The following GALNT18 variants were observed in gnomAD, a reference collection of about 807,000 sequenced individuals.
GALNT18 encodes the protein polypeptide N-acetylgalactosaminyltransferase 18, also known as GalNAc-transferase 18.
A neutral mutation model predicts 69.5 loss-of-function variants in GALNT18; 44 were observed. The ratio of observed to expected loss-of-function variants is 0.63; its 90% CI spans 0.50 to 0.81. GALNT18 has a LOEUF of 0.81. Ranked by LOEUF, GALNT18 falls within the 40% of genes least tolerant of loss-of-function variation. GALNT18 has a pLI of 0.00. For synonymous variants in GALNT18, 364 were observed against 318.2 expected, an observed-to-expected ratio of 1.14 and a Z score of -1.53; for missense variants, 715 against 810.0, an observed-to-expected ratio of 0.88 and a Z score of 1.42.
At position 11,338,550 on chromosome 11, in the gene GALNT18, G is replaced by A. The variant is rs1365089518; in HGVS notation, c.1278+2269C>T. 6.6e-6 allele frequency among the ~76,000 whole-genome samples: 1 copy of A among 152,184 alleles called. No homozygotes were observed. Among genetic ancestry groups the A allele is most frequent in the Non-Finnish European group, 1.5e-5 (1 of 68,046 alleles). On this transcript the variant is annotated intron_variant, in intron 7 of 10. Coordinates refer to ENST00000227756, the MANE Select transcript of GALNT18 (RefSeq NM_198516.3). This position sits in a 1 kb window ranked among gnomAD's most constrained non-coding sequence, Gnocchi z 5.3. Reference sequence around the variant, plus strand: ...TATGTCTGGAAGATGGTGGCACCATGAACTGAGACAGGATGAGAACAGGAG... The same window carrying A: ...TATGTCTGGAAGATGGTGGCACCATAAACTGAGACAGGATGAGAACAGGAG...
rs140303644 is a variant in GALNT18 at position 11,509,341 on chromosome 11, G to A, written c.236-60405C>T. Among the ~76,000 whole-genome samples the A allele has an allele frequency of 1.1e-4, 16 of 152,150 alleles. No homozygotes were observed. In the East Asian group the frequency reaches 1.9e-3, roughly 18 times the overall value. On this transcript the variant is annotated intron_variant, in intron 1 of 10. Transcript: ENST00000227756. ...TTTAAACATTTAAGTAGTTATCATG[G>A]GAACAATTAGAACTGCTGGAATTGT... is the stretch of plus-strand genomic sequence containing the variant.
intron 1 of GALNT18, among the ~76,000 whole-genome samples, chr11:11,513,655 T>C (rs1027350907): frequency 6.6e-6 from 1 of 152,236 alleles, no homozygotes; most frequent in Non-Finnish European, 1.5e-5. Flanking sequence ...ATCTGTTTTG[T>C]TCAAGACAAA....
rs562659680 is a variant in GALNT18 at position 11,591,537 on chromosome 11, C to T, written c.235+29822G>A. ...CAAGTGGGGAGGGAGACCATAACAG[C>T]CTCCATTTCTCTTCCTACTTTACAT... is the stretch of plus-strand genomic sequence containing the variant. On this transcript the variant is annotated intron_variant, in intron 1 of 10. Transcript: ENST00000227756. The surrounding 1 kb of genome is among the most constrained non-coding windows in gnomAD (Gnocchi z 4.8). Among the ~76,000 whole-genome samples, 1 of 152,288 alleles carries T rather than the reference C, an allele frequency of 6.6e-6. No individual in the cohort carries two copies. The highest frequency in any genetic ancestry group is 1.9e-4 in the East Asian group (1 of 5,178).
chr11:11,525,196 G>A (rs958881089), intron 1 of GALNT18, among the ~76,000 whole-genome samples: 1 of 152,072 alleles, frequency 6.6e-6, no homozygotes, highest in Non-Finnish European at 1.5e-5. Flanking sequence ...CGAAATGGAG[G>A]AGATTTCGAA....
rs11826663 is a variant in GALNT18, at chr11:11,279,985, G to A, written c.1678-8695C>T. 2.5e-3 allele frequency among the ~76,000 whole-genome samples: 377 copies of A among 152,314 alleles called. 3 individuals carry two copies. Among genetic ancestry groups the A allele is most frequent in the African/African-American group, 8.7e-3 (362 of 41,550 alleles). On this transcript the variant is annotated intron_variant, in intron 10 of 10. Coordinates refer to ENST00000227756, the MANE Select transcript of GALNT18 (RefSeq NM_198516.3). ...AGGCAGGGACTGAGAAGCAGGGGGT[G>A]CGGGTGGAGGGGACTGTGTATGTGT... is the stretch of plus-strand genomic sequence containing the variant.
intron 1 of GALNT18, among the ~76,000 whole-genome samples, chr11:11,612,176 G>C (rs1296434773): frequency 2.6e-5 from 4 of 151,850 alleles, no homozygotes; most frequent in African/African-American, 9.7e-5. Flanking sequence ...CCTCTAAAAA[G>C]GTAAGAAAAA....
At position 11,538,919 on chromosome 11, in the gene GALNT18, G is replaced by A. The variant is rs1857845105; in HGVS notation, c.235+82440C>T. ...AGTAAAAGATGCTTTGTCAACAGAGGTGCCCCCCAGATCCCTGGGTGCCGT... is the reference window on the plus strand; with the variant it reads ...AGTAAAAGATGCTTTGTCAACAGAGATGCCCCCCAGATCCCTGGGTGCCGT... On this transcript the variant is annotated intron_variant, in intron 1 of 10. Transcript: ENST00000227756. The surrounding 1 kb of genome is among the most constrained non-coding windows in gnomAD (Gnocchi z 5.2). Among the ~76,000 whole-genome samples the A allele has an allele frequency of 1.3e-5, 2 of 152,252 alleles. No individual in the cohort carries two copies. Among genetic ancestry groups the A allele is most frequent in the African/African-American group, 2.4e-5 (1 of 41,556 alleles).
chr11:11,373,021 A>T (rs957696065), intron 5 of GALNT18, among the ~76,000 whole-genome samples: 1 of 152,116 alleles, frequency 6.6e-6, no homozygotes, highest in Admixed American at 6.5e-5. Flanking sequence ...CCCAACTTGG[A>T]ATCTGTATGT....
At position 11,377,736 on chromosome 11, in the gene GALNT18, A is replaced by G. The variant is rs2403511; in HGVS notation, c.780-357T>C. On this transcript the variant is annotated intron_variant, in intron 4 of 10. Coordinates refer to ENST00000227756, the MANE Select transcript of GALNT18 (RefSeq NM_198516.3). This position sits in a 1 kb window ranked among gnomAD's most constrained non-coding sequence, Gnocchi z 4.6. ...AAAGAAACAGATCTGAGGCTCCAGA[A>G]AAAGCTTTCACCTTGGGCTTTGATT... is the stretch of plus-strand genomic sequence containing the variant. Among the ~76,000 whole-genome samples, 116,130 of 151,954 alleles carry G rather than the reference A, an allele frequency of 0.76. 45,267 individuals are homozygous for G. Among genetic ancestry groups the G allele is most frequent in the Middle Eastern group, 0.93 (273 of 294 alleles).
At chr11:11,370,981 A>G (rs1266536294) in intron 6 of GALNT18, among the ~76,000 whole-genome samples, 3 of 152,226 alleles carry the variant, frequency 2.0e-5, no homozygotes, top group East Asian at 1.9e-4. Context: ...TAAATGGCCA[A>G]TGTAGAGAGA....
At position 11,450,113 on chromosome 11, in the gene GALNT18, A is replaced by C. The variant is rs1226829869; in HGVS notation, c.236-1177T>G. 2.6e-5 allele frequency among the ~76,000 whole-genome samples: 4 copies of C among 152,356 alleles called. No individual in the cohort carries two copies. In the East Asian group the frequency reaches 7.7e-4, roughly 29 times the overall value. On this transcript the variant is annotated intron_variant, in intron 1 of 10. Transcript: ENST00000227756. ...CCACTGGACAGGGTCGTCTATGCTC[A>C]CAAATTCATGAGGGAAGTAAGAGAT...
chr11:11,275,653 T>G (rs1301047526), intron 10 of GALNT18, among the ~76,000 whole-genome samples: 1 of 152,228 alleles, frequency 6.6e-6, no homozygotes, highest in Non-Finnish European at 1.5e-5. Context: ...TTCTAGGATT[T>G]TTATGGTCCT....
At chr11:11,407,809 G>C (rs899752197) in intron 3 of GALNT18, among the ~76,000 whole-genome samples, 1 of 152,202 alleles carries the variant, frequency 6.6e-6, no homozygotes, top group Non-Finnish European at 1.5e-5. Context: ...CTGGGATTAC[G>C]AGCAGCAGGA....
At position 11,555,230 on chromosome 11, in the gene GALNT18, C is replaced by A. The variant is rs2133974719; in HGVS notation, c.235+66129G>T. Among the ~76,000 whole-genome samples, 1 of 152,312 alleles carries A rather than the reference C, an allele frequency of 6.6e-6. No individual in the cohort carries two copies. Among genetic ancestry groups the A allele is most frequent in the South Asian group, 2.1e-4 (1 of 4,822 alleles). ...ATCCCCACCCCACCATTCATGCCAG[C>A]CAAGCTGCCAAGGACCCAGCCCCTC... On this transcript the variant is annotated intron_variant, in intron 1 of 10. Transcript: ENST00000227756. This position sits in a 1 kb window ranked among gnomAD's most constrained non-coding sequence, Gnocchi z 4.7.
chr11:11,570,958 C>T (rs1465551964), intron 1 of GALNT18, among the ~76,000 whole-genome samples: 1 of 152,216 alleles, frequency 6.6e-6, no homozygotes, highest in Non-Finnish European at 1.5e-5. Context: ...TAACAGTTAA[C>T]ATCCACTGAG....
At chr11:11,403,399 C>T (rs2133741362) in intron 3 of GALNT18, among the ~76,000 whole-genome samples, 1 of 152,310 alleles carries the variant, frequency 6.6e-6, no homozygotes, top group South Asian at 2.1e-4. Context: ...GTCACATCCA[C>T]CCACTGGTTC....
intron 1 of GALNT18, among the ~76,000 whole-genome samples, chr11:11,472,607 CTT>C (rs1856296901): frequency 6.6e-6 from 1 of 152,046 alleles, no homozygotes; most frequent in Non-Finnish European, 1.5e-5. Flanking sequence ...AGACCAGACT[CTT>C]ATACATTGAG....
chr11:11,429,757 C>G (rs1360575971), intron 3 of GALNT18, among the ~76,000 whole-genome samples: 1 of 152,172 alleles, frequency 6.6e-6, no homozygotes, highest in Non-Finnish European at 1.5e-5. Context: ...CCCTTCACAC[C>G]ATGCACTGGA....
At chr11:11,529,694 CG>C (rs1857599605) in intron 1 of GALNT18, among the ~76,000 whole-genome samples, 1 of 151,980 alleles carries the variant, frequency 6.6e-6, no homozygotes, top group Non-Finnish European at 1.5e-5. Flanking sequence ...CATGTGTGCA[CG>C]TGCATGTTAG....
Sources: allele counts gnomAD v4.1 joint callset (sites outside exome capture counted in the v4.1 genomes callset), GRCh38; gene constraint gnomAD v4.1.1; non-coding constraint Gnocchi (gnomAD v3.1); transcripts MANE v1.5; gene names NCBI Gene and HGNC (gene_info 2026-07-23, HGNC 2026-07-21).